SLC9A5: variants seen among roughly 807,000 people sequenced by gnomAD.
SLC9A5 encodes the protein sodium/hydrogen exchanger 5.
Under a neutral mutation model 91.7 loss-of-function variants are expected in SLC9A5, and 52 were observed. That is an observed-to-expected ratio of 0.57 (90% CI 0.45 to 0.71). The LOEUF (loss-of-function observed/expected upper bound fraction) is 0.71, where lower values mean the gene tolerates loss of function less well. Among genes scored for constraint, SLC9A5 ranks in the 30% least tolerant of loss-of-function variants. The pLI is 0.00. For missense variants in SLC9A5, 871 were observed against 1,158.9 expected, an observed-to-expected ratio of 0.75 and a Z score of 3.61; for synonymous variants, 419 against 474.5, an observed-to-expected ratio of 0.88 and a Z score of 1.52.
Position 67,271,101 on chromosome 16 carries a change from A to T in SLC9A5, c.2582A>T (p.Gln861Leu), listed in dbSNP as rs1202586455. The T allele has an allele frequency of 4.3e-6, 7 of 1,613,480 alleles. No homozygotes were observed. The South Asian group carries it at 7.7e-5, about 18-fold the overall frequency. ...AGTGAGAGCAGCGCTGACCTCCCCCAGCAGCAGGAGCTGCAGCCCCTCATG... is the reference window on the plus strand; with the variant it reads ...AGTGAGAGCAGCGCTGACCTCCCCCTGCAGCAGGAGCTGCAGCCCCTCATG... ...SRSESSADLP[Q>L]QQELQPLMGH... The change falls in exon 16 of 16, where the codon CAG becomes CTG. Residue 861 changes from glutamine (Q) to leucine (L), a missense_variant. Around this residue, in one of 3 missense-constraint regions of SLC9A5, gnomAD observed 295 missense variants for 326.0 expected, o/e 0.90. Coordinates refer to ENST00000299798, the MANE Select transcript of SLC9A5 (RefSeq NM_004594.3).
chr16:67,264,828 TC>T (rs142304625), intron 13 of SLC9A5, among the ~76,000 whole-genome samples: 14,127 of 152,122 alleles, frequency 0.093, 1,148 homozygotes, highest in African/African-American at 0.22. Context: ...CTCCATGAGC[TC>T]CTAAGTCAGC....
chr16:67,259,088 G>A (rs942263362), intron 10 of SLC9A5, among the ~76,000 whole-genome samples: 12 of 151,904 alleles, frequency 7.9e-5, no homozygotes, highest in South Asian at 2.1e-4. Flanking sequence ...GTGAAACCCC[G>A]TCTCTACTAA....
chr16:67,258,557 C>T lies in SLC9A5; in HGVS notation c.1626+110C>T, dbSNP rs2035403989. The T allele has an allele frequency of 7.7e-7, 1 of 1,306,382 alleles. No homozygotes were observed. Among genetic ancestry groups the T allele is most frequent in the Admixed American group, 1.8e-5 (1 of 55,882 alleles). The allele number at this position is 1,306,382 out of a possible 1,614,324, so 80.9% of individuals were successfully genotyped here. ...GCCCTGAGCAGGGAGTTGGGAATTC[C>T]TAGCTGGCTCCATGGTCTGGTGAAG... On this transcript the variant is annotated intron_variant, in intron 10 of 15. Coordinates refer to ENST00000299798, the MANE Select transcript of SLC9A5 (RefSeq NM_004594.3). The surrounding 1 kb of genome is among the most constrained non-coding windows in gnomAD (Gnocchi z 4.5).
rs908784471 is a variant in SLC9A5 at position 67,255,450 on chromosome 16, A to G, written c.712A>G (p.Thr238Ala). The change falls in exon 4 of 16, where the codon ACT (threonine) becomes GCT (alanine). Residue 238 changes from threonine to alanine, a missense_variant. This residue lies in a region of SLC9A5 where 454 missense variants were observed against 718.3 expected (regional missense o/e 0.63). Transcript: ENST00000299798. This position sits in a 1 kb window ranked among gnomAD's most constrained non-coding sequence, Gnocchi z 4.9. Reference sequence around the variant, plus strand: ...GATGGGCTCTGCCAATGTGCAGGCCACTGACTACCTGAAGGGAGTCGGTCA... The same window carrying G: ...GATGGGCTCTGCCAATGTGCAGGCCGCTGACTACCTGAAGGGAGTCGGTCA... ...VEMGSANVQA[T>A]DYLKGVASLF... 1.2e-6 allele frequency: 2 copies of G among 1,614,104 alleles called. No homozygotes were observed. The highest frequency in any genetic ancestry group is 8.5e-7 in the Non-Finnish European group (1 of 1,180,012).
chr16:67,266,854 T>TC (rs1057164625), intron 15 of SLC9A5, among the ~76,000 whole-genome samples: 61 of 133,330 alleles, frequency 4.6e-4, no homozygotes, highest in African/African-American at 1.4e-3. Context: ...TCTTTTCTTT[T>TC]TTTTTTTTTT....
At position 67,257,248 on chromosome 16, in the gene SLC9A5, G is replaced by T. The variant is rs752882952; in HGVS notation, c.1336-97G>T. 3 of 1,363,546 alleles carry T rather than the reference G, an allele frequency of 2.2e-6. No individual in the cohort carries two copies. In the East Asian group the frequency reaches 6.9e-5, roughly 31 times the overall value. 84.5% of individuals were successfully genotyped at this position (1,363,546 alleles called of 1,614,324 possible). On this transcript the variant is annotated intron_variant, in intron 7 of 15. Coordinates refer to ENST00000299798, the MANE Select transcript of SLC9A5 (RefSeq NM_004594.3). This position sits in a 1 kb window ranked among gnomAD's most constrained non-coding sequence, Gnocchi z 5.1. Reference sequence around the variant, plus strand: ...ACTTCCCAGACCTTGAGTGCAGTGGGGTAGGGGTACTGAAGCTGAAGCCTC... The same window carrying T: ...ACTTCCCAGACCTTGAGTGCAGTGGTGTAGGGGTACTGAAGCTGAAGCCTC...
intron 15 of SLC9A5, among the ~76,000 whole-genome samples, chr16:67,269,581 GT>G (rs1202407855): frequency 1.3e-5 from 2 of 152,126 alleles, no homozygotes; most frequent in African/African-American, 4.8e-5. Flanking sequence ...AATACCAAAG[GT>G]TTTTTGTTTT....
intron 14 of SLC9A5, 36 bp from the exon 15 acceptor site, chr16:67,266,052 C>T: frequency 6.2e-7 from 1 of 1,606,992 alleles, no homozygotes. Flanking sequence ...CAGCTGCCAG[C>T]CCAGGATGCC....
Position 67,255,279 on chromosome 16 carries a change from C to A in SLC9A5, c.654+95C>A. ...CAGACTCAGTCCCTTCCCTTGGGTCCCCTGGGGCAGAAATATGCTGTCTGC... is the reference window on the plus strand; with the variant it reads ...CAGACTCAGTCCCTTCCCTTGGGTCACCTGGGGCAGAAATATGCTGTCTGC... On this transcript the variant is annotated intron_variant, in intron 3 of 15. Coordinates refer to ENST00000299798, the MANE Select transcript of SLC9A5 (RefSeq NM_004594.3). This position sits in a 1 kb window ranked among gnomAD's most constrained non-coding sequence, Gnocchi z 4.9. The A allele has an allele frequency of 6.5e-7, 1 of 1,536,214 alleles. No homozygotes were observed. The highest frequency in any genetic ancestry group is 8.9e-7 in the Non-Finnish European group (1 of 1,123,402).
intron 14 of SLC9A5, 117 bp downstream of exon 14, chr16:67,265,223 C>A: frequency 1.1e-6 from 1 of 894,464 alleles, no homozygotes; most frequent in Non-Finnish European, 1.8e-6. Flanking sequence ...TGACCTGGGG[C>A]TCTTCCTCCA....
At position 67,257,323 on chromosome 16, in the gene SLC9A5, C is replaced by T. The variant is rs1314999119; in HGVS notation, c.1336-22C>T. On this transcript the variant is annotated intron_variant, in intron 7 of 15. Transcript: ENST00000299798. This position sits in a 1 kb window ranked among gnomAD's most constrained non-coding sequence, Gnocchi z 5.1. ...GGAACTGAATAGGAATAGGGCAGGG[C>T]TCACCTCCTGCCTGTCCATAGGGCT... 2 of 1,584,920 alleles carry T rather than the reference C, an allele frequency of 1.3e-6. No individual in the cohort carries two copies. The highest frequency in any genetic ancestry group is 1.1e-5 in the South Asian group (1 of 90,520).
chr16:67,264,884 T>C (rs2035649015), intron 13 of SLC9A5, among the ~76,000 whole-genome samples, 156 bp from the exon 14 acceptor site: 1 of 152,230 alleles, frequency 6.6e-6, no homozygotes, highest in Admixed American at 6.5e-5. Context: ...TGGGTCACTC[T>C]TGCCTGGTTG....
Position 67,258,711 on chromosome 16 carries a change from G to T in SLC9A5, c.1626+264G>T, listed in dbSNP as rs2035409068. On this transcript the variant is annotated intron_variant, in intron 10 of 15. Transcript: ENST00000299798. This position sits in a 1 kb window ranked among gnomAD's most constrained non-coding sequence, Gnocchi z 4.5. ...ATCACTTCCAAGCTTGTGACCTTGG[G>T]TAAGCACACTCTCTGAGCCTGTTTC... Among the ~76,000 whole-genome samples, 1 of 152,182 alleles carries T rather than the reference G, an allele frequency of 6.6e-6. No homozygotes were observed. Among genetic ancestry groups the T allele is most frequent in the Admixed American group, 6.5e-5 (1 of 15,278 alleles).
rs1228423459 is a variant in SLC9A5, at chr16:67,256,579, C to T, written c.1022C>T (p.Thr341Ile). Reference protein sequence around the residue: ...TMKTLASCAETVIFMLLGISA... With the variant: ...TMKTLASCAEIVIFMLLGISA... ...AAGACTCTAGCCAGCTGTGCTGAGACCGTGATCTTCATGCTGCTTGGCATC... is the reference window on the plus strand; with the variant it reads ...AAGACTCTAGCCAGCTGTGCTGAGATCGTGATCTTCATGCTGCTTGGCATC... Residue 341 changes from threonine to isoleucine, a missense_variant, in exon 6 of 16, where the codon ACC becomes ATC. By Grantham distance (89) the Thr-to-Ile change is moderately conservative. Coordinates refer to ENST00000299798, the MANE Select transcript of SLC9A5 (RefSeq NM_004594.3). This position sits in a 1 kb window ranked among gnomAD's most constrained non-coding sequence, Gnocchi z 4.1. The T allele has an allele frequency of 6.2e-7, 1 of 1,614,098 alleles. No homozygotes were observed. The highest frequency in any genetic ancestry group is 8.5e-7 in the Non-Finnish European group (1 of 1,179,950).
chr16:67,258,305 G>C lies in SLC9A5; in HGVS notation c.1497-13G>C. ...GGAATGGGACTCAGGGCCGGGCCTG[G>C]CATCCTCTGTAGGTGGGAGCAGTTT... On this transcript the variant is annotated splice_polypyrimidine_tract_variant and intron_variant, in intron 9 of 15. Transcript: ENST00000299798. The surrounding 1 kb of genome is among the most constrained non-coding windows in gnomAD (Gnocchi z 4.5). The C allele has an allele frequency of 6.2e-7, 1 of 1,613,244 alleles. No homozygotes were observed. The highest frequency in any genetic ancestry group is 8.5e-7 in the Non-Finnish European group (1 of 1,179,922).
chr16:67,262,034 C>A (rs1414344985), intron 12 of SLC9A5: 2 of 312,958 alleles, frequency 6.4e-6, no homozygotes, highest in Non-Finnish European at 1.3e-5. Context: ...TTTTAAAAAT[C>A]TGGAATAAGT....
In SLC9A5 at chr16:67,255,703, C is replaced by A. The variant is rs147832396; in HGVS notation, c.734-50C>A. 6.6e-7 allele frequency: 1 copy of A among 1,515,388 alleles called. No homozygotes were observed. The highest frequency in any genetic ancestry group is 1.2e-5 in the South Asian group (1 of 82,412). The allele number at this position is 1,515,388 out of a possible 1,614,324, so 93.9% of individuals were successfully genotyped here. Reference sequence around the variant, plus strand: ...CTGCCAGGCAGCAGTCTTGTCAGCCCGGGTAGGGTCCGGGCCAGGGGTCAT... The same window carrying A: ...CTGCCAGGCAGCAGTCTTGTCAGCCAGGGTAGGGTCCGGGCCAGGGGTCAT... On this transcript the variant is annotated intron_variant, in intron 4 of 15. Coordinates refer to ENST00000299798, the MANE Select transcript of SLC9A5 (RefSeq NM_004594.3). This position sits in a 1 kb window ranked among gnomAD's most constrained non-coding sequence, Gnocchi z 4.9.
intron 1 of SLC9A5, among the ~76,000 whole-genome samples, chr16:67,251,561 C>G (rs2035123678): frequency 1.3e-5 from 2 of 151,588 alleles, no homozygotes; most frequent in South Asian, 4.2e-4. Flanking sequence ...CTACCGGCAC[C>G]CGCCACCATG....
chr16:67,252,497 G>T lies in SLC9A5; in HGVS notation c.188-45G>T. ...GAGTTCATAGGCCTGTGTGTGGGAG[G>T]ATATTCCATAAACTGATCCATCCTG... On this transcript the variant is annotated intron_variant, in intron 1 of 15. Coordinates refer to ENST00000299798, the MANE Select transcript of SLC9A5 (RefSeq NM_004594.3). This position sits in a 1 kb window ranked among gnomAD's most constrained non-coding sequence, Gnocchi z 4.0. 6.6e-7 allele frequency: 1 copy of T among 1,525,644 alleles called. No individual in the cohort carries two copies. Among genetic ancestry groups the T allele is most frequent in the Non-Finnish European group, 8.9e-7 (1 of 1,122,704 alleles). The allele number at this position is 1,525,644 out of a possible 1,614,324, so 94.5% of individuals were successfully genotyped here.
Sources: gnomAD v4.1 joint callset for allele counts (sites outside exome capture counted in the v4.1 genomes callset) on GRCh38, gnomAD v4.1.1 for gene constraint, gnomAD v4.1.1 regional missense constraint, Gnocchi (gnomAD v3.1) non-coding constraint, MANE v1.5 for transcripts, NCBI Gene and HGNC (gene_info 2026-07-23, HGNC 2026-07-21) for gene names.